GALNTL6: variants seen among roughly 807,000 people sequenced by gnomAD.
GALNTL6 encodes the protein polypeptide N-acetylgalactosaminyltransferase-like 6.
A neutral mutation model predicts 73.7 loss-of-function variants in GALNTL6; 46 were observed. The observed-to-expected ratio is 0.62, with a 90% confidence interval of 0.49 to 0.80. The LOEUF (loss-of-function observed/expected upper bound fraction) is 0.80. Ranked by LOEUF, GALNTL6 falls within the 30% of genes least tolerant of loss-of-function variation. The probability of loss-of-function intolerance (pLI) is 0.00; values close to 1 mark genes in which losing one functional copy is unlikely to be tolerated. For synonymous variants in GALNTL6, 259 were observed against 263.7 expected, an observed-to-expected ratio of 0.98 and a Z score of 0.17; for missense variants, 604 against 755.0, an observed-to-expected ratio of 0.80 and a Z score of 2.34.
At chr4:172,585,012 A>G (rs1003021870) in intron 5 of GALNTL6, among the ~76,000 whole-genome samples, 1 of 152,194 alleles carries the variant, frequency 6.6e-6, no homozygotes, top group Non-Finnish European at 1.5e-5. Flanking sequence ...ATGTGATGAC[A>G]TAAAATGCAC....
At chr4:172,156,293 G>A (rs1314655319) in intron 2 of GALNTL6, among the ~76,000 whole-genome samples, 2 of 151,968 alleles carry the variant, frequency 1.3e-5, no homozygotes, top group Non-Finnish European at 2.9e-5. Flanking sequence ...TGAGCCTTGG[G>A]GCTGGGCCTG....
At chr4:171,818,385 T>C (rs1310049544) in intron 2 of GALNTL6, among the ~76,000 whole-genome samples, 1 of 151,888 alleles carries the variant, frequency 6.6e-6, no homozygotes, top group Non-Finnish European at 1.5e-5. Flanking sequence ...AAAGTAACTG[T>C]AATAGTAGTT....
At chr4:172,123,922 G>T (rs1365344003) in intron 2 of GALNTL6, among the ~76,000 whole-genome samples, 1 of 152,138 alleles carries the variant, frequency 6.6e-6, no homozygotes, top group Admixed American at 6.5e-5. Context: ...AGAGTTCTAA[G>T]AATTTTTTAT....
rs188064449 is a variant in GALNTL6 at position 172,469,398 on chromosome 4, G to A, written c.553+120709G>A. Among the ~76,000 whole-genome samples, 18 of 152,010 alleles carry A rather than the reference G, an allele frequency of 1.2e-4. No individual in the cohort carries two copies. In the East Asian group the frequency reaches 3.5e-3, roughly 29 times the overall value. ...AAGTGGGAGAATCACTTGAGGTCAG[G>A]AGGTGTAGACCAGCCTGGGCAACAT... On this transcript the variant is annotated intron_variant, in intron 5 of 12. Coordinates refer to ENST00000506823, the MANE Select transcript of GALNTL6 (RefSeq NM_001034845.3).
At chr4:172,398,716 A>C (rs1743933652) in intron 5 of GALNTL6, among the ~76,000 whole-genome samples, 1 of 152,212 alleles carries the variant, frequency 6.6e-6, no homozygotes, top group African/African-American at 2.4e-5. Flanking sequence ...CAACTCTACA[A>C]ATATATTCAA....
intron 5 of GALNTL6, among the ~76,000 whole-genome samples, chr4:172,645,112 A>C (rs1740177543): frequency 6.6e-6 from 1 of 151,918 alleles, no homozygotes; most frequent in Non-Finnish European, 1.5e-5. Flanking sequence ...CCTTTGTTGG[A>C]TTTGTCTATT....
intron 3 of GALNTL6, among the ~76,000 whole-genome samples, chr4:172,297,747 T>G (rs543574285): frequency 6.6e-6 from 1 of 152,210 alleles, no homozygotes; most frequent in Non-Finnish European, 1.5e-5. Flanking sequence ...ATGTTTTGGT[T>G]ACTGTTGCCT....
chr4:172,376,366 AGT>A (rs1014532047), intron 5 of GALNTL6, among the ~76,000 whole-genome samples: 6 of 152,058 alleles, frequency 3.9e-5, no homozygotes, highest in African/African-American at 1.2e-4. Context: ...TGCCTTTGAG[AGT>A]TCTGCTCATG....
intron 2 of GALNTL6, among the ~76,000 whole-genome samples, chr4:172,089,251 T>C (rs988516190): frequency 6.6e-6 from 1 of 152,172 alleles, no homozygotes; most frequent in African/African-American, 2.4e-5. Context: ...AAAAGACTAA[T>C]GTCTGGAGTC....
chr4:172,096,547 A>AAAC (rs1553992052), intron 2 of GALNTL6, among the ~76,000 whole-genome samples: 4 of 151,742 alleles, frequency 2.6e-5, no homozygotes, highest in Admixed American at 6.6e-5. Context: ...ATAAAAAAAA[A>AAAC]ACCTTACTAT....
At chr4:172,707,517 A>G (rs1734428239) in intron 5 of GALNTL6, among the ~76,000 whole-genome samples, 1 of 152,216 alleles carries the variant, frequency 6.6e-6, no homozygotes, top group Non-Finnish European at 1.5e-5. Context: ...AATCCAAAAG[A>G]AAGGTATTGC....
chr4:171,993,175 A>G (rs1740389319), intron 2 of GALNTL6, among the ~76,000 whole-genome samples: 1 of 148,642 alleles, frequency 6.7e-6, no homozygotes, highest in African/African-American at 2.5e-5. Flanking sequence ...GTAAACACAT[A>G]TAAGATGATG....
At chr4:172,890,542 T>C (rs780202636) in intron 8 of GALNTL6, among the ~76,000 whole-genome samples, 1 of 152,198 alleles carries the variant, frequency 6.6e-6, no homozygotes, top group Non-Finnish European at 1.5e-5. Flanking sequence ...TTTATTCCAC[T>C]GTAGTCTAAG....
At chr4:172,339,570 CTG>C (rs1741486368) in intron 4 of GALNTL6, among the ~76,000 whole-genome samples, 1 of 152,170 alleles carries the variant, frequency 6.6e-6, no homozygotes, top group Non-Finnish European at 1.5e-5. Context: ...GTGACTGACT[CTG>C]TATGCTCCTG....
chr4:172,565,762 T>C (rs1736532150), intron 5 of GALNTL6, among the ~76,000 whole-genome samples: 2 of 152,210 alleles, frequency 1.3e-5, no homozygotes, highest in African/African-American at 2.4e-5. Context: ...AGGTTTATGG[T>C]TATTGATGCA....
intron 5 of GALNTL6, among the ~76,000 whole-genome samples, chr4:172,807,184 T>C (rs1741013149): frequency 6.6e-6 from 1 of 152,154 alleles, no homozygotes; most frequent in Non-Finnish European, 1.5e-5. Flanking sequence ...GGCCATCATG[T>C]TGGGGAGCAC....
In GALNTL6 at chr4:172,452,151, A is replaced by G. The variant is rs956512212; in HGVS notation, c.553+103462A>G. Among the ~76,000 whole-genome samples the G allele has an allele frequency of 4.6e-5, 7 of 152,158 alleles. 1 individual carries two copies. Among genetic ancestry groups the G allele is most frequent in the South Asian group, 4.1e-4 (2 of 4,820 alleles). On this transcript the variant is annotated intron_variant, in intron 5 of 12. Transcript: ENST00000506823. ...GAGTGATTTCCTGATATAACTGTCC[A>G]TGAGTCCACAAACGTAATTGAAATT...
intron 5 of GALNTL6, among the ~76,000 whole-genome samples, chr4:172,802,807 A>T (rs1474160582): frequency 6.6e-6 from 1 of 151,784 alleles, no homozygotes; most frequent in Non-Finnish European, 1.5e-5. Flanking sequence ...ACAAACAAAC[A>T]AACAAACAAC....
chr4:172,859,661 A>C (rs188370526), intron 7 of GALNTL6, among the ~76,000 whole-genome samples: 2 of 152,308 alleles, frequency 1.3e-5, no homozygotes, highest in Non-Finnish European at 2.9e-5. Context: ...ATAAAAAGCA[A>C]AAAATGAAGG....
Sources: gnomAD v4.1 joint callset for allele counts (sites outside exome capture counted in the v4.1 genomes callset) on GRCh38, gnomAD v4.1.1 for gene constraint, MANE v1.5 for transcripts, NCBI Gene and HGNC (gene_info 2026-07-23, HGNC 2026-07-21) for gene names.